The following ANKRD12 variants were observed in gnomAD, a reference collection of about 807,000 sequenced individuals.
ANKRD12 encodes ankyrin repeat domain-containing protein 12.
ANKRD12 carries 85 observed loss-of-function variants against 183.4 expected under a neutral mutation model. The observed-to-expected ratio is 0.46, with a 90% confidence interval of 0.39 to 0.56. The LOEUF is 0.56. Among genes scored for constraint, ANKRD12 ranks in the 20% least tolerant of loss-of-function variants. The probability of loss-of-function intolerance (pLI) is 0.00; values close to 1 mark genes in which losing one functional copy is unlikely to be tolerated. For missense variants in ANKRD12, 2,405 were observed against 2,357.1 expected (o/e 1.02, Z -0.42); for synonymous variants, 914 against 800.2 (o/e 1.14, Z -2.40).
At chr18:9,199,695 CAG>C (rs113610237) in intron 3 of ANKRD12, among the ~76,000 whole-genome samples, 6 of 151,830 alleles carry the variant, frequency 4.0e-5, no homozygotes, top group African/African-American at 1.5e-4. Context: ...TTATAGTAGA[CAG>C]TGTCTTTTAT....
chr18:9,187,277 A>G (rs991864446), intron 2 of ANKRD12, among the ~76,000 whole-genome samples: 33 of 152,086 alleles, frequency 2.2e-4, no homozygotes, highest in African/African-American at 6.7e-4. Flanking sequence ...AATTAGCTGG[A>G]TGTGTTGATA....
chr18:9,250,935 T>TAGTTGTAAGG (rs1447292664), intron 8 of ANKRD12, among the ~76,000 whole-genome samples: 19 of 152,178 alleles, frequency 1.2e-4, no homozygotes, highest in African/African-American at 4.3e-4. Context: ...GTTTTTGAGG[T>TAGTTGTAAGG]AGTTGTAAGG....
chr18:9,258,765 C>T lies in ANKRD12; in HGVS notation c.5498C>T (p.Ala1833Val). 6.2e-7 allele frequency: 1 copy of T among 1,613,788 alleles called. No individual in the cohort carries two copies. Among genetic ancestry groups the T allele is most frequent in the African/African-American group, 1.3e-5 (1 of 74,986 alleles). Reference sequence around the variant, plus strand: ...ATTCAGCCATACAGTTCAGAGAGAGCAAATCCATATTTTGAATACTTGCAC... The same window carrying T: ...ATTCAGCCATACAGTTCAGAGAGAGTAAATCCATATTTTGAATACTTGCAC... ...DEIQPYSSER[A>V]NPYFEYLHIR... The change falls in exon 9 of 13, where the codon GCA (alanine) becomes GTA (valine). Residue 1833 changes from alanine to valine, a missense_variant. By Grantham distance (64) the Ala-to-Val change is moderately conservative (BLOSUM62 0). Around this residue, in one of 7 missense-constraint regions of ANKRD12, gnomAD observed 1,983 missense variants for 1,725.9 expected, o/e 1.15. Coordinates refer to ENST00000262126, the MANE Select transcript of ANKRD12 (RefSeq NM_015208.5).
chr18:9,189,261 A>G (rs116533220), intron 2 of ANKRD12, among the ~76,000 whole-genome samples: 2 of 152,330 alleles, frequency 1.3e-5, no homozygotes, highest in African/African-American at 4.8e-5. Flanking sequence ...AATTCTGTGA[A>G]GGCTGAGAGA....
chr18:9,139,282 A>T (rs1169582082), intron 1 of ANKRD12, among the ~76,000 whole-genome samples: 1 of 152,234 alleles, frequency 6.6e-6, no homozygotes, highest in Non-Finnish European at 1.5e-5. Context: ...TCCAGCTGGT[A>T]GAATGAGTTT....
intron 4 of ANKRD12, among the ~76,000 whole-genome samples, chr18:9,206,381 A>G (rs758340729): frequency 3.3e-5 from 5 of 152,038 alleles, no homozygotes; most frequent in African/African-American, 4.8e-5. Context: ...TTTATAAGAT[A>G]TATAATATAT....
chr18:9,214,103 T>C lies in ANKRD12; in HGVS notation c.652+2319T>C, dbSNP rs139549360. ...ATATATTTGAAATTTTTTTTGAGAT[T>C]TGGAACAATTTGGAAAAACTCATAG... On this transcript the variant is annotated intron_variant, in intron 6 of 12. Transcript: ENST00000262126. Among the ~76,000 whole-genome samples, 350 of 152,150 alleles carry C rather than the reference T, an allele frequency of 2.3e-3. 2 individuals are homozygous for C. Among genetic ancestry groups the C allele is most frequent in the African/African-American group, 8.1e-3 (335 of 41,534 alleles).
intron 1 of ANKRD12, among the ~76,000 whole-genome samples, chr18:9,144,429 T>G (rs1031024830): frequency 2.6e-5 from 4 of 152,232 alleles, no homozygotes; most frequent in African/African-American, 9.6e-5. Flanking sequence ...TTACTCTTTA[T>G]GCTCTTTTAT....
At chr18:9,208,500 T>A (rs182878091) in intron 4 of ANKRD12, among the ~76,000 whole-genome samples, 157 bp from the exon 5 acceptor site, 1 of 152,278 alleles carries the variant, frequency 6.6e-6, no homozygotes, top group East Asian at 1.9e-4. Context: ...GTTTATATAA[T>A]ATAAAACCCA....
intron 1 of ANKRD12, among the ~76,000 whole-genome samples, chr18:9,165,280 A>G (rs1363754775): frequency 1.3e-5 from 2 of 151,946 alleles, no homozygotes; most frequent in Non-Finnish European, 2.9e-5. Context: ...TTTTGAGCCT[A>G]TGTGTGTCTT....
At chr18:9,260,753 A>T (rs558228118) in intron 9 of ANKRD12, among the ~76,000 whole-genome samples, 1 of 152,340 alleles carries the variant, frequency 6.6e-6, no homozygotes, top group Admixed American at 6.5e-5. Flanking sequence ...GTTTCCTCAG[A>T]AAACCTCCAT....
chr18:9,178,622 C>A (rs1169921986), intron 1 of ANKRD12, among the ~76,000 whole-genome samples: 1 of 152,020 alleles, frequency 6.6e-6, no homozygotes, highest in Non-Finnish European at 1.5e-5. Context: ...TTGGACTTTT[C>A]TAGGTTCTTA....
At position 9,159,627 on chromosome 18, in the gene ANKRD12, G is replaced by A. The variant is rs1437609812; in HGVS notation, c.-52+22662G>A. Among the ~76,000 whole-genome samples, 12 of 147,970 alleles carry A rather than the reference G, an allele frequency of 8.1e-5. No individual in the cohort carries two copies. In the East Asian group the frequency reaches 2.0e-3, roughly 25 times the overall value. On this transcript the variant is annotated intron_variant, in intron 1 of 12. Coordinates refer to ENST00000262126, the MANE Select transcript of ANKRD12 (RefSeq NM_015208.5). ...TTTTTTTTTTTGTATTTTTAGTAGA[G>A]ACAGGGTTTCGCCGTGTTAGCCAGG...
chr18:9,239,879 A>G (rs991657842), intron 8 of ANKRD12, among the ~76,000 whole-genome samples: 2 of 152,230 alleles, frequency 1.3e-5, no homozygotes, highest in Non-Finnish European at 2.9e-5. Context: ...TGTACGTAGC[A>G]TTCTAAATGT....
intron 3 of ANKRD12, among the ~76,000 whole-genome samples, chr18:9,201,182 A>G (rs977871548): frequency 1.3e-5 from 2 of 152,224 alleles, no homozygotes; most frequent in African/African-American, 4.8e-5. Flanking sequence ...TAGGTATCGT[A>G]TAATATCTGC....
chr18:9,229,205 T>G (rs2036899904), intron 8 of ANKRD12, among the ~76,000 whole-genome samples: 1 of 152,076 alleles, frequency 6.6e-6, no homozygotes, highest in Non-Finnish European at 1.5e-5. Context: ...GCTCTCTCAG[T>G]CCCTGTAATA....
rs968484355 is a variant in ANKRD12 at position 9,165,662 on chromosome 18, A to G, written c.-51-16720A>G. Among the ~76,000 whole-genome samples, 7 of 151,886 alleles carry G rather than the reference A, an allele frequency of 4.6e-5. No individual in the cohort carries two copies. In the East Asian group the frequency reaches 1.3e-3, roughly 29 times the overall value. ...GGCATAATGTCTTCAGTGTTCTTCCATGCTGTACATGACATGTGTCAGAAT... is the reference window on the plus strand; with the variant it reads ...GGCATAATGTCTTCAGTGTTCTTCCGTGCTGTACATGACATGTGTCAGAAT... On this transcript the variant is annotated intron_variant, in intron 1 of 12. Transcript: ENST00000262126.
intron 1 of ANKRD12, among the ~76,000 whole-genome samples, chr18:9,181,426 A>G (rs2033692411): frequency 6.6e-6 from 1 of 152,230 alleles, no homozygotes; most frequent in Admixed American, 6.5e-5. Flanking sequence ...TATGATATCC[A>G]TCTGTAGGAG....
chr18:9,180,424 C>T (rs1598472851), intron 1 of ANKRD12, among the ~76,000 whole-genome samples: 1 of 151,804 alleles, frequency 6.6e-6, no homozygotes, highest in Middle Eastern at 3.4e-3. Context: ...TGTGTTTAAG[C>T]CATTTGTGTT....
Sources: allele counts gnomAD v4.1 joint callset (sites outside exome capture counted in the v4.1 genomes callset), GRCh38; gene constraint gnomAD v4.1.1; regional missense constraint gnomAD v4.1.1; transcripts MANE v1.5; gene names NCBI Gene and HGNC (gene_info 2026-07-23, HGNC 2026-07-21).